The following RPTOR variants were observed in gnomAD, a reference collection of about 807,000 sequenced individuals.
The protein encoded by RPTOR is regulatory associated protein of MTOR complex 1.
RPTOR carries 21 observed loss-of-function variants against 169.9 expected under a neutral mutation model. That is an observed-to-expected ratio of 0.12 (90% CI 0.09 to 0.18). RPTOR has a LOEUF of 0.18. Among genes scored for constraint, RPTOR ranks in the 10% least tolerant of loss-of-function variants. The pLI, the probability that RPTOR is intolerant of heterozygous loss-of-function variation, is 1.00. For missense variants in RPTOR, 1,133 were observed against 1,855.9 expected (o/e 0.61, Z 7.16); for synonymous variants, 732 against 753.2 (o/e 0.97, Z 0.46).
chr17:80,725,761 C>G (rs1042143653), intron 4 of RPTOR, among the ~76,000 whole-genome samples: 1 of 152,158 alleles, frequency 6.6e-6, no homozygotes, highest in African/African-American at 2.4e-5. Context: ...AATCAGGATT[C>G]GCTATCAAAG....
chr17:80,578,632 A>G (rs556998630), intron 1 of RPTOR, among the ~76,000 whole-genome samples: 24 of 152,214 alleles, frequency 1.6e-4, no homozygotes, highest in Non-Finnish European at 3.2e-4. Flanking sequence ...CAGGCTTTCG[A>G]GGGGCTGAAA....
chr17:80,906,278 G>A (rs1598393288), intron 20 of RPTOR, among the ~76,000 whole-genome samples: 1 of 152,248 alleles, frequency 6.6e-6, no homozygotes, highest in African/African-American at 2.4e-5. Context: ...GTTCCTAGGA[G>A]CCGGCTCCGC....
chr17:80,810,048 AAAATAAATAAAT>A (rs56853505), intron 7 of RPTOR, among the ~76,000 whole-genome samples: 24,885 of 143,996 alleles, frequency 0.17, 2,164 homozygotes, highest in Middle Eastern at 0.25. Context: ...ACTCCATCTC[AAAATAAATAAAT>A]AAATAAATAA....
chr17:80,682,948 G>A (rs757081415), intron 3 of RPTOR, among the ~76,000 whole-genome samples: 2 of 152,030 alleles, frequency 1.3e-5, no homozygotes, highest in Admixed American at 1.3e-4. Flanking sequence ...CCACAGGCAC[G>A]TACCACTACA....
intron 1 of RPTOR, among the ~76,000 whole-genome samples, chr17:80,549,896 C>T (rs2084324165): frequency 6.6e-6 from 1 of 152,220 alleles, no homozygotes; most frequent in Non-Finnish European, 1.5e-5. Context: ...TGTAGGACCA[C>T]TGACAGGCAT....
At chr17:80,855,606 G>T in intron 12 of RPTOR, 59 bp downstream of exon 12, 1 of 1,277,334 alleles carries the variant, frequency 7.8e-7, no homozygotes, top group Admixed American at 1.7e-5. Context: ...ATTAGGCTCC[G>T]TGTTTCAGTC....
At chr17:80,678,521 G>A (rs188397061) in intron 3 of RPTOR, among the ~76,000 whole-genome samples, 6 of 152,302 alleles carry the variant, frequency 3.9e-5, no homozygotes, top group South Asian at 2.1e-4. Flanking sequence ...CCTAATGGTC[G>A]GGCATGTTGG....
chr17:80,744,451 TCCTGGTTACTAGCACAGC>T lies in RPTOR; in HGVS notation c.655-9535_655-9518del, dbSNP rs1188713983. ...AGCACAGCCCTGGCTACTAGCACTGTCCTGGTTACTAGCACAGCCCTGGTTACTAGCACAGCCCTGGCT... is the reference window on the plus strand; with the variant it reads ...AGCACAGCCCTGGCTACTAGCACTGTCCTGGTTACTAGCACAGCCCTGGCT... On this transcript the variant is annotated intron_variant, in intron 5 of 33. Coordinates refer to ENST00000306801, the MANE Select transcript of RPTOR (RefSeq NM_020761.3). Among the ~76,000 whole-genome samples the T allele has an allele frequency of 3.3e-3, 22 of 6,764 alleles. 1 individual carries two copies. The highest frequency in any genetic ancestry group is 0.1 in the Middle Eastern group (1 of 10). The allele number at this position is 6,764 out of a possible 152,430, so 4.4% of individuals were successfully genotyped here. A position where few individuals can be genotyped will look rare whatever the true frequency, so the allele number is the denominator to read the frequency against.
chr17:80,622,281 T>A (rs1347708873), intron 1 of RPTOR, among the ~76,000 whole-genome samples: 1 of 152,226 alleles, frequency 6.6e-6, no homozygotes, highest in East Asian at 1.9e-4. Context: ...GTGAGGCAGG[T>A]GTTAACAGCT....
At chr17:80,846,736 G>C (rs753547482) in intron 11 of RPTOR, among the ~76,000 whole-genome samples, 162 bp downstream of exon 11, 1 of 152,166 alleles carries the variant, frequency 6.6e-6, no homozygotes, top group Non-Finnish European at 1.5e-5. Flanking sequence ...GGTCGCATTC[G>C]GGCAAACGGA....
intron 1 of RPTOR, among the ~76,000 whole-genome samples, chr17:80,581,669 C>G (rs1421374133): frequency 6.7e-6 from 1 of 150,186 alleles, no homozygotes; most frequent in African/African-American, 2.5e-5. Context: ...GCAGTGGAGA[C>G]TGCACATCGG....
At chr17:80,586,731 T>A (rs773411318) in intron 1 of RPTOR, among the ~76,000 whole-genome samples, 1 of 152,224 alleles carries the variant, frequency 6.6e-6, no homozygotes, top group Admixed American at 6.5e-5. Flanking sequence ...TGTCCGTTCC[T>A]TCTACTCCAA....
chr17:80,838,846 A>G (rs1276583799), intron 10 of RPTOR, among the ~76,000 whole-genome samples: 1 of 152,170 alleles, frequency 6.6e-6, no homozygotes, highest in Non-Finnish European at 1.5e-5. Flanking sequence ...TCGTCTCCTC[A>G]TTTAAGGGAG....
At chr17:80,701,764 C>T (rs910639830) in intron 3 of RPTOR, among the ~76,000 whole-genome samples, 9 of 152,204 alleles carry the variant, frequency 5.9e-5, no homozygotes, top group African/African-American at 1.7e-4. Context: ...CCTAGTACGA[C>T]GCCAGTGTCT....
chr17:80,550,094 G>C (rs1029555087), intron 1 of RPTOR, among the ~76,000 whole-genome samples: 5 of 152,180 alleles, frequency 3.3e-5, no homozygotes, highest in African/African-American at 1.2e-4. Flanking sequence ...AAGGGTAATA[G>C]CAATCCTTCA....
At chr17:80,914,493 G>C (rs1323539754) in intron 21 of RPTOR, among the ~76,000 whole-genome samples, 3 of 152,204 alleles carry the variant, frequency 2.0e-5, no homozygotes, top group Admixed American at 1.3e-4. Flanking sequence ...TGGCTCCTCT[G>C]TGCTCTCAGG....
chr17:80,630,210 T>C (rs2065431704), intron 2 of RPTOR, among the ~76,000 whole-genome samples: 1 of 152,242 alleles, frequency 6.6e-6, no homozygotes, highest in African/African-American at 2.4e-5. Flanking sequence ...TGTAATTTGC[T>C]TTTCCTTGCT....
rs1180279475 is a variant in RPTOR at position 80,726,329 on chromosome 17, G to A, written c.508-4231G>A. ...GGTGGAGATGGTCCAGCCCCAGCAG[G>A]ACTGGGCCACGAGGACCCTGCCGGT... On this transcript the variant is annotated intron_variant, in intron 4 of 33. Coordinates refer to ENST00000306801, the MANE Select transcript of RPTOR (RefSeq NM_020761.3). This position sits in a 1 kb window ranked among gnomAD's most constrained non-coding sequence, Gnocchi z 4.5. Among the ~76,000 whole-genome samples, 1 of 152,190 alleles carries A rather than the reference G, an allele frequency of 6.6e-6. No individual in the cohort carries two copies. Among genetic ancestry groups the A allele is most frequent in the Non-Finnish European group, 1.5e-5 (1 of 68,024 alleles).
chr17:80,685,617 A>ATATATATATATATATATATATT (rs2065935308), intron 3 of RPTOR, among the ~76,000 whole-genome samples: 1 of 12,230 alleles, frequency 8.2e-5, no homozygotes, highest in Non-Finnish European at 1.7e-4. Context: ...ATATATATAT[A>ATATATATATATATATATATATT]TATATATATA....
Sources: allele counts gnomAD v4.1 joint callset (sites outside exome capture counted in the v4.1 genomes callset), GRCh38; gene constraint gnomAD v4.1.1; non-coding constraint Gnocchi (gnomAD v3.1); transcripts MANE v1.5; gene names NCBI Gene and HGNC (gene_info 2026-07-23, HGNC 2026-07-21).